Variants in ANO6 observed in about 807,000 individuals in gnomAD.
ANO6 encodes the protein anoctamin-6.
In ANO6, 106 loss-of-function variants were observed where a neutral mutation model predicts 117.5. The observed-to-expected ratio is 0.90, with a 90% CI of 0.77 to 1.06. The LOEUF is 1.06. Among genes scored for constraint, ANO6 ranks in the 50% least tolerant of loss-of-function variants. The probability of loss-of-function intolerance (pLI) is 0.00; values close to 1 mark genes in which losing one functional copy is unlikely to be tolerated. For synonymous variants in ANO6, 367 were observed against 385.1 expected, an observed-to-expected ratio of 0.95 and a Z score of 0.55; for missense variants, 955 against 1,121.1, an observed-to-expected ratio of 0.85 and a Z score of 2.12.
chr12:45,352,623 CAG>C (rs1044426091), intron 7 of ANO6, among the ~76,000 whole-genome samples: 1 of 147,440 alleles, frequency 6.8e-6, no homozygotes, highest in African/African-American at 2.5e-5. Flanking sequence ...CCCAGCTACT[CAG>C]GAGACTGAGA....
At chr12:45,366,868 A>G (rs1941698299) in intron 8 of ANO6, among the ~76,000 whole-genome samples, 1 of 152,166 alleles carries the variant, frequency 6.6e-6, no homozygotes, top group Non-Finnish European at 1.5e-5. Flanking sequence ...ACTTTTTAAG[A>G]ATTATTTCCT....
intron 1 of ANO6, among the ~76,000 whole-genome samples, chr12:45,221,645 C>G (rs1947401169): frequency 6.6e-6 from 1 of 152,092 alleles, no homozygotes; most frequent in Non-Finnish European, 1.5e-5. Context: ...TAGAGCTAAG[C>G]CTTTCCAGTA....
chr12:45,349,433 A>G (rs1941226976), intron 6 of ANO6, among the ~76,000 whole-genome samples: 1 of 152,190 alleles, frequency 6.6e-6, no homozygotes, highest in Admixed American at 6.5e-5. Flanking sequence ...GTGAAATGAA[A>G]TTTTTAAAAT....
intron 3 of ANO6, among the ~76,000 whole-genome samples, chr12:45,333,606 A>C (rs1484325626): frequency 2.0e-5 from 3 of 152,038 alleles, no homozygotes; most frequent in Admixed American, 1.3e-4. Flanking sequence ...AAAAATCATC[A>C]TTAATTTTGG....
intron 1 of ANO6, among the ~76,000 whole-genome samples, chr12:45,277,180 T>C (rs536998299): frequency 6.6e-6 from 1 of 152,234 alleles, no homozygotes; most frequent in African/African-American, 2.4e-5. Flanking sequence ...TGTAATTGTG[T>C]TATAATTTTG....
intron 1 of ANO6, among the ~76,000 whole-genome samples, chr12:45,287,870 C>T (rs910293924): frequency 6.6e-6 from 1 of 152,134 alleles, no homozygotes; most frequent in Non-Finnish European, 1.5e-5. Context: ...CCCACTACTC[C>T]TTATCCTTTT....
chr12:45,438,251 A>G (rs73283360), intron 19 of ANO6, among the ~76,000 whole-genome samples: 28 of 146,744 alleles, frequency 1.9e-4, no homozygotes, highest in Admixed American at 1.0e-3. Context: ...ATTTGCGTGT[A>G]TGTGTGTGTG....
chr12:45,433,408 C>G (rs894172927), downstream of ANO6, among the ~76,000 whole-genome samples: 2 of 152,180 alleles, frequency 1.3e-5, no homozygotes, highest in Non-Finnish European at 2.9e-5. Flanking sequence ...GACAAATACT[C>G]GAGTGCATTA....
intron 1 of ANO6, among the ~76,000 whole-genome samples, chr12:45,270,103 G>C (rs1473016447): frequency 6.6e-6 from 1 of 152,188 alleles, no homozygotes; most frequent in Non-Finnish European, 1.5e-5. Flanking sequence ...TCAGGGTCCT[G>C]AGAGCTCATC....
At chr12:45,285,261 C>T (rs898269551) in intron 1 of ANO6, among the ~76,000 whole-genome samples, 7 of 152,180 alleles carry the variant, frequency 4.6e-5, no homozygotes. Flanking sequence ...ATGCCCCACC[C>T]CATCTACTGA....
intron 8 of ANO6, among the ~76,000 whole-genome samples, chr12:45,360,990 A>C (rs1031449252): frequency 6.6e-6 from 1 of 152,172 alleles, no homozygotes; most frequent in African/African-American, 2.4e-5. Context: ...GTAACTTTGT[A>C]AACTTCAAAT....
chr12:45,348,400 A>T (rs928248332), intron 5 of ANO6, 85 bp downstream of exon 5: 1 of 1,587,258 alleles, frequency 6.3e-7, no homozygotes, highest in African/African-American at 1.3e-5. Context: ...TTTTATTTTT[A>T]AAAACTGCAC....
chr12:45,363,682 T>A lies in ANO6; in HGVS notation c.999-4006T>A, dbSNP rs545192383. 2.4e-4 allele frequency among the ~76,000 whole-genome samples: 36 copies of A among 152,230 alleles called. No homozygotes were observed. In the South Asian group the frequency reaches 7.3e-3, roughly 31 times the overall value. On this transcript the variant is annotated intron_variant, in intron 8 of 19. Transcript: ENST00000320560. ...AATTGTAGCTCCCATAATTCCCACA[T>A]GTTGTAGGAGGGACCTGGTGGGAGA...
At chr12:45,296,050 G>A (rs11182962) in intron 1 of ANO6, among the ~76,000 whole-genome samples, 3,771 of 151,842 alleles carry the variant, frequency 0.025, 68 homozygotes, top group Non-Finnish European at 0.038. Context: ...TAGTAGAGAT[G>A]GGGTTTCACT....
chr12:45,364,891 T>C (rs1366213665), intron 8 of ANO6, among the ~76,000 whole-genome samples: 7 of 152,266 alleles, frequency 4.6e-5, no homozygotes, highest in Admixed American at 3.9e-4. Context: ...AGTATTATAA[T>C]GTAGCAAATC....
At chr12:45,216,876 G>T (rs985443585) in intron 1 of ANO6, among the ~76,000 whole-genome samples, 1 of 152,200 alleles carries the variant, frequency 6.6e-6, no homozygotes, top group African/African-American at 2.4e-5. Flanking sequence ...GGAGGTTTGA[G>T]GCCTGGCGGG....
At chr12:45,365,693 T>G (rs957959587) in intron 8 of ANO6, among the ~76,000 whole-genome samples, 2 of 152,168 alleles carry the variant, frequency 1.3e-5, no homozygotes, top group African/African-American at 4.8e-5. Flanking sequence ...GCTGTTGGTT[T>G]TTAAGGCTAC....
At chr12:45,269,988 C>T (rs559573643) in intron 1 of ANO6, among the ~76,000 whole-genome samples, 1 of 152,300 alleles carries the variant, frequency 6.6e-6, no homozygotes, top group South Asian at 2.1e-4. Flanking sequence ...AGGCCACCTC[C>T]AGAGATCTGG....
chr12:45,370,242 G>C (rs1391782810), intron 9 of ANO6, among the ~76,000 whole-genome samples: 1 of 152,194 alleles, frequency 6.6e-6, no homozygotes, highest in East Asian at 1.9e-4. Context: ...AAAGAAGTCA[G>C]CCATCTTATT....
Sources: allele counts gnomAD v4.1 joint callset (sites outside exome capture counted in the v4.1 genomes callset), GRCh38; gene constraint gnomAD v4.1.1; transcripts MANE v1.5; gene names NCBI Gene and HGNC (gene_info 2026-07-23, HGNC 2026-07-21).